The following WWOX variants were observed in gnomAD, a reference collection of about 807,000 sequenced individuals.
WWOX encodes WW domain-containing oxidoreductase.
Under a neutral mutation model 46.2 loss-of-function variants are expected in WWOX, and 69 were observed. The observed-to-expected ratio is 1.49, with a 90% CI of 1.23 to 1.82. The LOEUF (loss-of-function observed/expected upper bound fraction) is 1.82. WWOX is among the 40% of genes most tolerant of loss of function. WWOX has a pLI of 0.00. For missense variants in WWOX, 919 were observed against 542.6 expected (o/e 1.69, Z -6.89); for synonymous variants, 359 against 202.6 (o/e 1.77, Z -6.56).
At chr16:78,939,787 C>T (rs1046334649) in intron 8 of WWOX, among the ~76,000 whole-genome samples, 1 of 152,232 alleles carries the variant, frequency 6.6e-6, no homozygotes, top group Non-Finnish European at 1.5e-5. Context: ...CCAAATTCCA[C>T]TTCCCCTTTT....
chr16:78,247,213 GC>G (rs1446893220), intron 5 of WWOX, among the ~76,000 whole-genome samples: 1 of 151,844 alleles, frequency 6.6e-6, no homozygotes, highest in African/African-American at 2.4e-5. Context: ...GGGTGTGGCC[GC>G]CCCCCTGCCA....
chr16:78,207,496 C>CTT (rs556761067), intron 5 of WWOX, among the ~76,000 whole-genome samples: 7 of 142,358 alleles, frequency 4.9e-5, no homozygotes, highest in Admixed American at 7.0e-5. Flanking sequence ...ATCTCCCTTA[C>CTT]TTTTTTTTTT....
chr16:78,133,481 G>A (rs893687092), intron 4 of WWOX, among the ~76,000 whole-genome samples: 25 of 152,142 alleles, frequency 1.6e-4, no homozygotes, highest in African/African-American at 5.8e-4. Flanking sequence ...GGCTGGTCTT[G>A]AACTCCTAAC....
intron 8 of WWOX, among the ~76,000 whole-genome samples, chr16:78,860,769 G>T (rs900987372): frequency 6.6e-6 from 1 of 152,200 alleles, no homozygotes; most frequent in Non-Finnish European, 1.5e-5. Context: ...CTGGGAACTA[G>T]CTAAAATTAG....
intron 5 of WWOX, among the ~76,000 whole-genome samples, chr16:78,249,808 A>G (rs907563182): frequency 1.3e-5 from 2 of 152,056 alleles, no homozygotes; most frequent in Non-Finnish European, 2.9e-5. Context: ...ACATTCCACA[A>G]ACATTTAATA....
At chr16:78,186,039 G>A (rs1434127210) in intron 5 of WWOX, among the ~76,000 whole-genome samples, 1 of 152,202 alleles carries the variant, frequency 6.6e-6, no homozygotes, top group Non-Finnish European at 1.5e-5. Flanking sequence ...CACTGGCCAT[G>A]TGTGGCAGTT....
intron 8 of WWOX, among the ~76,000 whole-genome samples, chr16:78,932,205 A>G (rs946262603): frequency 9.2e-5 from 14 of 152,202 alleles, no homozygotes; most frequent in Non-Finnish European, 2.1e-4. Context: ...ATGGAGGGGT[A>G]GCTCTTTTTC....
chr16:78,836,293 A>C (rs2051982177), intron 8 of WWOX, among the ~76,000 whole-genome samples: 1 of 152,094 alleles, frequency 6.6e-6, no homozygotes, highest in Admixed American at 6.5e-5. Context: ...GGGAGGGACA[A>C]CTGGCAGGGC....
chr16:78,997,587 G>A (rs891675612), intron 8 of WWOX, among the ~76,000 whole-genome samples: 2 of 151,860 alleles, frequency 1.3e-5, no homozygotes, highest in African/African-American at 2.4e-5. Flanking sequence ...TAAAATTGAC[G>A]CTCGTGTCAC....
At chr16:79,039,560 G>A (rs1015703554) in intron 8 of WWOX, among the ~76,000 whole-genome samples, 1 of 152,100 alleles carries the variant, frequency 6.6e-6, no homozygotes. Context: ...CCATGGTCGA[G>A]GTGTCCATTG....
intron 8 of WWOX, among the ~76,000 whole-genome samples, chr16:78,681,306 G>T (rs1342037000): frequency 6.6e-6 from 1 of 152,190 alleles, no homozygotes; most frequent in African/African-American, 2.4e-5. Context: ...TTGGGAGGCT[G>T]AGGTGGGAGG....
intron 8 of WWOX, among the ~76,000 whole-genome samples, chr16:78,730,756 G>A (rs915312109): frequency 1.3e-5 from 2 of 151,474 alleles, no homozygotes; most frequent in Non-Finnish European, 2.9e-5. Flanking sequence ...CACCAACCCA[G>A]CCTCAGGAGA....
intron 4 of WWOX, chr16:78,130,279 A>G (rs982288155): frequency 2.0e-5 from 3 of 152,212 alleles, no homozygotes; most frequent in Non-Finnish European, 4.4e-5. Flanking sequence ...CATAAGTAAG[A>G]TTTGTGCCCT....
chr16:78,830,321 C>T (rs1597686629), intron 8 of WWOX, among the ~76,000 whole-genome samples: 1 of 144,622 alleles, frequency 6.9e-6, no homozygotes, highest in African/African-American at 2.5e-5. Flanking sequence ...TATATATATA[C>T]ACATAAAACA....
At chr16:78,583,098 A>C (rs1407622052) in intron 8 of WWOX, among the ~76,000 whole-genome samples, 1 of 152,236 alleles carries the variant, frequency 6.6e-6, no homozygotes, top group East Asian at 1.9e-4. Context: ...GATGGGAGTT[A>C]GGAGAAGTGA....
At chr16:79,186,948 G>A (rs1237735414) in intron 8 of WWOX, among the ~76,000 whole-genome samples, 1 of 152,202 alleles carries the variant, frequency 6.6e-6, no homozygotes, top group Non-Finnish European at 1.5e-5. Flanking sequence ...CATGTGGAGT[G>A]ACAGGTGTCA....
intron 8 of WWOX, among the ~76,000 whole-genome samples, chr16:78,791,726 A>G (rs1014638167): frequency 6.6e-6 from 1 of 152,070 alleles, no homozygotes; most frequent in South Asian, 2.1e-4. Flanking sequence ...AAAAATGCAA[A>G]AAATTAGCTG....
Position 79,150,362 on chromosome 16 carries a change from T to A in WWOX, c.1057-61246T>A, listed in dbSNP as rs541592517. Among the ~76,000 whole-genome samples, 75 of 152,284 alleles carry A rather than the reference T, an allele frequency of 4.9e-4. 1 individual carries two copies. Among genetic ancestry groups the A allele is most frequent in the Middle Eastern group, 3.4e-3 (1 of 294 alleles). On this transcript the variant is annotated intron_variant, in intron 8 of 8. Coordinates refer to ENST00000566780, the MANE Select transcript of WWOX (RefSeq NM_016373.4). ...CTTGGAGATAAAGCCCTGTTAATAATTCATAATTATATAGCATAGCATAGG... is the reference window on the plus strand; with the variant it reads ...CTTGGAGATAAAGCCCTGTTAATAAATCATAATTATATAGCATAGCATAGG...
At chr16:78,205,846 G>A (rs767004410) in intron 5 of WWOX, among the ~76,000 whole-genome samples, 35 of 145,170 alleles carry the variant, frequency 2.4e-4, no homozygotes, top group Admixed American at 3.5e-4. Flanking sequence ...CCTTCCTTCC[G>A]TCCTTCCTTC....
Sources: gnomAD v4.1 joint callset for allele counts (sites outside exome capture counted in the v4.1 genomes callset) on GRCh38, gnomAD v4.1.1 for gene constraint, MANE v1.5 for transcripts, NCBI Gene and HGNC (gene_info 2026-07-23, HGNC 2026-07-21) for gene names.